Variants in EPB41L4A observed in about 807,000 individuals in gnomAD.
EPB41L4A encodes erythrocyte membrane protein band 4.1 like 4A, also known as band 4.1-like protein 4A.
In EPB41L4A, 100 loss-of-function variants were observed where a neutral mutation model predicts 108.6. The ratio of observed to expected loss-of-function variants is 0.92; its 90% CI spans 0.78 to 1.09. The LOEUF is 1.09. Ranked by LOEUF, EPB41L4A falls within the 50% of genes least tolerant of loss-of-function variation. The pLI is 0.00. For synonymous variants in EPB41L4A, 319 were observed against 289.0 expected (o/e 1.10, Z -1.05); for missense variants, 1,030 against 842.7 (o/e 1.22, Z -2.75).
chr5:112,229,167 C>A (rs938255588), intron 12 of EPB41L4A, among the ~76,000 whole-genome samples: 1 of 152,102 alleles, frequency 6.6e-6, no homozygotes, highest in Non-Finnish European at 1.5e-5. Context: ...AAAGTAATAA[C>A]CCCCATCACG....
intron 1 of EPB41L4A, among the ~76,000 whole-genome samples, chr5:112,374,682 T>A (rs1759698382): frequency 6.6e-6 from 1 of 152,226 alleles, no homozygotes; most frequent in South Asian, 2.1e-4. Flanking sequence ...ATACCTGGTT[T>A]GGGTTTTATT....
At chr5:112,391,507 G>T (rs769295123) in intron 1 of EPB41L4A, among the ~76,000 whole-genome samples, 16 of 151,996 alleles carry the variant, frequency 1.1e-4, no homozygotes, top group African/African-American at 2.7e-4. Context: ...TTAATGAAAT[G>T]AAACAAGAAC....
At chr5:112,314,210 C>G (rs768660888) in intron 1 of EPB41L4A, among the ~76,000 whole-genome samples, 1 of 151,776 alleles carries the variant, frequency 6.6e-6, no homozygotes, top group Non-Finnish European at 1.5e-5. Flanking sequence ...ACAGGTAGAC[C>G]AAACTATTAC....
intron 2 of EPB41L4A, among the ~76,000 whole-genome samples, chr5:112,284,204 G>A (rs765745324): frequency 3.9e-5 from 6 of 152,166 alleles, no homozygotes; most frequent in Non-Finnish European, 7.3e-5. Context: ...CCTGCCCCAC[G>A]TGAGGGGAAA....
At chr5:112,174,844 C>T (rs777102468) in intron 18 of EPB41L4A, among the ~76,000 whole-genome samples, 1 of 152,092 alleles carries the variant, frequency 6.6e-6, no homozygotes, top group Non-Finnish European at 1.5e-5. Flanking sequence ...ATTTATAAAA[C>T]ATCTTTATTT....
intron 13 of EPB41L4A, among the ~76,000 whole-genome samples, chr5:112,144,181 T>C (rs1759165628): frequency 6.6e-6 from 1 of 152,206 alleles, no homozygotes; most frequent in South Asian, 2.1e-4. Context: ...GATATGTACT[T>C]TTAAGGAAAA....
chr5:112,278,498 T>A (rs1188829526), intron 3 of EPB41L4A, among the ~76,000 whole-genome samples: 3 of 151,936 alleles, frequency 2.0e-5, no homozygotes, highest in Admixed American at 6.6e-5. Flanking sequence ...GTGATCCACC[T>A]GCCTCAGCCA....
chr5:112,413,215 A>G (rs1762513880), intron 1 of EPB41L4A, among the ~76,000 whole-genome samples: 1 of 152,232 alleles, frequency 6.6e-6, no homozygotes, highest in African/African-American at 2.4e-5. Context: ...TACAAAATAC[A>G]AAAACGGTGT....
intron 2 of EPB41L4A, among the ~76,000 whole-genome samples, chr5:112,301,574 G>A (rs1051272300): frequency 6.6e-6 from 1 of 152,048 alleles, no homozygotes; most frequent in Non-Finnish European, 1.5e-5. Flanking sequence ...GGAGCAATCT[G>A]CTTCCTTCAA....
intron 12 of EPB41L4A, among the ~76,000 whole-genome samples, chr5:112,219,682 A>T (rs1297193263): frequency 1.3e-5 from 2 of 152,198 alleles, no homozygotes. Flanking sequence ...AAATATAAAA[A>T]GTAAATTTTT....
At chr5:112,178,748 CAT>C (rs1327486096) in intron 18 of EPB41L4A, among the ~76,000 whole-genome samples, 6 of 151,030 alleles carry the variant, frequency 4.0e-5, no homozygotes, top group Non-Finnish European at 7.4e-5. Context: ...ATGTCAAAAA[CAT>C]GTGAGATATA....
chr5:112,418,277 G>C (rs1392611264), intron 1 of EPB41L4A, among the ~76,000 whole-genome samples: 12 of 152,180 alleles, frequency 7.9e-5, no homozygotes, highest in Non-Finnish European at 2.9e-5. Flanking sequence ...GAGGATCTCT[G>C]CGAGCTCTGC....
At chr5:112,374,983 G>C (rs1759720537) in intron 1 of EPB41L4A, among the ~76,000 whole-genome samples, 2 of 152,142 alleles carry the variant, frequency 1.3e-5, no homozygotes, top group African/African-American at 4.8e-5. Flanking sequence ...CAGCAGCTCT[G>C]AACTCCAGCT....
chr5:112,268,597 C>A (rs182643855), intron 4 of EPB41L4A, among the ~76,000 whole-genome samples: 3 of 151,920 alleles, frequency 2.0e-5, no homozygotes, highest in Admixed American at 2.0e-4. Context: ...CACCTGTAAC[C>A]CCAGTATTTT....
chr5:112,370,360 G>A (rs771093858), intron 1 of EPB41L4A, among the ~76,000 whole-genome samples: 1 of 151,536 alleles, frequency 6.6e-6, no homozygotes, highest in African/African-American at 2.4e-5. Context: ...TTAATCTCTC[G>A]ATGGTATTCT....
rs1561446063 is a variant in EPB41L4A, at chr5:112,170,293, GCACT to G, written c.1739+4_1739+7del. 11 of 1,611,616 alleles carry G rather than the reference GCACT, an allele frequency of 6.8e-6. No homozygotes were observed. Among genetic ancestry groups the G allele is most frequent in the Non-Finnish European group, 8.5e-6 (10 of 1,178,504 alleles). On this transcript the variant is annotated splice_donor_5th_base_variant and intron_variant, in intron 20 of 22. Coordinates refer to ENST00000261486, the MANE Select transcript of EPB41L4A (RefSeq NM_022140.5). ...AGCTTTGGTGAGAAGATTCTGAAAGGCACTCACTCTATTTTAGTGTATGGAATCT... is the reference window on the plus strand; with the variant it reads ...AGCTTTGGTGAGAAGATTCTGAAAGGCACTCTATTTTAGTGTATGGAATCT...
chr5:112,198,127 G>A (rs777428222), intron 15 of EPB41L4A, among the ~76,000 whole-genome samples: 2 of 151,834 alleles, frequency 1.3e-5, no homozygotes, highest in African/African-American at 4.8e-5. Context: ...TCCGCCTTCC[G>A]GGTTCAAGTG....
chr5:112,362,784 C>T (rs1452796169), intron 1 of EPB41L4A, among the ~76,000 whole-genome samples: 2 of 152,116 alleles, frequency 1.3e-5, no homozygotes, highest in African/African-American at 4.8e-5. Flanking sequence ...ATCCTAAAGA[C>T]AAATCATTTT....
chr5:112,150,265 C>G (rs1759414244), intron 12 of EPB41L4A, among the ~76,000 whole-genome samples: 1 of 151,898 alleles, frequency 6.6e-6, no homozygotes, highest in Non-Finnish European at 1.5e-5. Flanking sequence ...CAAACAACAT[C>G]AGTTCACATT....
Sources: allele counts gnomAD v4.1 joint callset (sites outside exome capture counted in the v4.1 genomes callset), GRCh38; gene constraint gnomAD v4.1.1; transcripts MANE v1.5; gene names NCBI Gene and HGNC (gene_info 2026-07-23, HGNC 2026-07-21).